ITGA1: variants seen among roughly 807,000 people sequenced by gnomAD.
The protein encoded by ITGA1 is integrin subunit alpha 1.
Under a neutral mutation model 145.9 loss-of-function variants are expected in ITGA1, and 85 were observed. The ratio of observed to expected loss-of-function variants is 0.58; its 90% CI spans 0.49 to 0.70. The LOEUF (loss-of-function observed/expected upper bound fraction) is 0.70, where lower values mean the gene tolerates loss of function less well. Among genes scored for constraint, ITGA1 ranks in the 30% least tolerant of loss-of-function variants. ITGA1 has a pLI of 0.00. For missense variants in ITGA1, 1,351 were observed against 1,418.7 expected, an observed-to-expected ratio of 0.95 and a Z score of 0.77; for synonymous variants, 520 against 495.3, an observed-to-expected ratio of 1.05 and a Z score of -0.66.
chr5:52,837,680 G>C, intron 1 of ITGA1, among the ~76,000 whole-genome samples: 1 of 152,002 alleles, frequency 6.6e-6, no homozygotes, highest in Non-Finnish European at 1.5e-5. Flanking sequence ...AACATCTGCA[G>C]TTACTTCAGT....
chr5:52,796,021 A>C (rs570610361), intron 1 of ITGA1, among the ~76,000 whole-genome samples: 4 of 152,096 alleles, frequency 2.6e-5, no homozygotes, highest in Admixed American at 2.0e-4. Flanking sequence ...TAGCACGCAA[A>C]ATTGAAAACA....
intron 1 of ITGA1, among the ~76,000 whole-genome samples, chr5:52,817,245 G>A (rs1467653142): frequency 6.6e-6 from 1 of 152,196 alleles, no homozygotes; most frequent in Non-Finnish European, 1.5e-5. Flanking sequence ...CAGAGGTAGA[G>A]AAGGAAGTGT....
rs377663936 is a variant in ITGA1, at chr5:52,814,919, G to T, written c.61+26505G>T. ...TTCTACAGACCCAGGGCTTCCTGGG[G>T]TTACCTCAGGCCACTTATATCTCTT... On this transcript the variant is annotated intron_variant, in intron 1 of 28. Coordinates refer to ENST00000282588, the MANE Select transcript of ITGA1 (RefSeq NM_181501.2). 1.2e-3 allele frequency among the ~76,000 whole-genome samples: 183 copies of T among 152,208 alleles called. 1 individual carries two copies. The highest frequency in any genetic ancestry group is 4.3e-3 in the African/African-American group (179 of 41,530).
At chr5:52,806,618 A>G (rs1244643793) in intron 1 of ITGA1, among the ~76,000 whole-genome samples, 1 of 152,094 alleles carries the variant, frequency 6.6e-6, no homozygotes, top group East Asian at 1.9e-4. Flanking sequence ...TGTGTGATAT[A>G]TATCACCATC....
chr5:52,929,466 TTCTA>T (rs1033989611), intron 20 of ITGA1, among the ~76,000 whole-genome samples, 155 bp from the exon 21 acceptor site: 6 of 152,230 alleles, frequency 3.9e-5, no homozygotes, highest in African/African-American at 9.6e-5. Context: ...TTATATGTTA[TTCTA>T]TCTATTTTGA....
At chr5:52,886,533 T>G (rs1750052321) in intron 7 of ITGA1, among the ~76,000 whole-genome samples, 1 of 152,240 alleles carries the variant, frequency 6.6e-6, no homozygotes, top group African/African-American at 2.4e-5. Context: ...CAATGATTGC[T>G]GTACTTTGTA....
chr5:52,877,572 C>A (rs1579692314), intron 6 of ITGA1, among the ~76,000 whole-genome samples: 1 of 152,320 alleles, frequency 6.6e-6, no homozygotes, highest in South Asian at 2.1e-4. Context: ...TACTCCTTCC[C>A]TAGAAAGTTC....
At chr5:52,892,358 C>T (rs1212183555) in intron 8 of ITGA1, among the ~76,000 whole-genome samples, 1 of 152,058 alleles carries the variant, frequency 6.6e-6, no homozygotes, top group Non-Finnish European at 1.5e-5. Flanking sequence ...GACACGCATG[C>T]AAAGCAGCTG....
intron 6 of ITGA1, among the ~76,000 whole-genome samples, chr5:52,875,001 C>T (rs1242091256): frequency 6.6e-6 from 1 of 151,944 alleles, no homozygotes; most frequent in Non-Finnish European, 1.5e-5. Flanking sequence ...ATTAGTAATC[C>T]ACAATGCATG....
chr5:52,917,827 TATG>T (rs1351864135), intron 15 of ITGA1, among the ~76,000 whole-genome samples: 1 of 152,234 alleles, frequency 6.6e-6, no homozygotes, highest in Non-Finnish European at 1.5e-5. Flanking sequence ...TATGCATTTC[TATG>T]ATGTTTATAT....
chr5:52,830,310 C>G (rs927159805), intron 1 of ITGA1, among the ~76,000 whole-genome samples: 5 of 152,166 alleles, frequency 3.3e-5, no homozygotes, highest in African/African-American at 1.2e-4. Flanking sequence ...TGTTAAGAAA[C>G]AGATGATGAG....
chr5:52,826,225 A>G (rs1748959890), intron 1 of ITGA1, among the ~76,000 whole-genome samples: 1 of 152,186 alleles, frequency 6.6e-6, no homozygotes, highest in African/African-American at 2.4e-5. Flanking sequence ...TGGTCTGGGA[A>G]GGTCAAACTA....
intron 7 of ITGA1, among the ~76,000 whole-genome samples, chr5:52,884,955 C>T (rs771294495): frequency 6.6e-6 from 1 of 152,116 alleles, no homozygotes; most frequent in Non-Finnish European, 1.5e-5. Context: ...TTCCAGGTAC[C>T]CACGATTTGT....
At chr5:52,874,252 C>T (rs964997210) in intron 6 of ITGA1, among the ~76,000 whole-genome samples, 2 of 152,120 alleles carry the variant, frequency 1.3e-5, no homozygotes, top group Admixed American at 1.3e-4. Flanking sequence ...TTGTAACAAC[C>T]TGTTCTCTTG....
chr5:52,824,887 A>G (rs1748936473), intron 1 of ITGA1: 1 of 152,228 alleles, frequency 6.6e-6, no homozygotes, highest in Admixed American at 6.5e-5. Context: ...TTTTTAAACA[A>G]AGCCTATTAT....
In ITGA1 at chr5:52,957,638, C is replaced by G. The variant is rs1751323377; in HGVS notation, c.*5187C>G. 1 of 152,402 alleles carries G rather than the reference C, an allele frequency of 6.6e-6. No individual in the cohort carries two copies. The highest frequency in any genetic ancestry group is 1.5e-5 in the Non-Finnish European group (1 of 68,122). The allele number at this position is 152,402 out of a possible 1,614,324, so 9.4% of individuals were successfully genotyped here. A position where few individuals can be genotyped will look rare whatever the true frequency, so the allele number is the denominator to read the frequency against. ...CTGCCTTCCAGTTGGCTTCTCTTCT[C>G]AGCTGCGTGGTGGGGATGATTTGGG... On this transcript the variant is annotated 3_prime_UTR_variant, in exon 29 of 29. Coordinates refer to ENST00000282588, the MANE Select transcript of ITGA1 (RefSeq NM_181501.2).
At chr5:52,858,049 C>T (rs1749543877) in intron 2 of ITGA1, among the ~76,000 whole-genome samples, 1 of 152,148 alleles carries the variant, frequency 6.6e-6, no homozygotes, top group Non-Finnish European at 1.5e-5. Context: ...TTAGTCCTTC[C>T]ATCCTCTGTA....
intron 8 of ITGA1, among the ~76,000 whole-genome samples, chr5:52,891,667 T>TA (rs1002999295): frequency 2.8e-5 from 4 of 140,382 alleles, no homozygotes; most frequent in Admixed American, 1.4e-4. Context: ...TATAAAGTTT[T>TA]AAAAAAAATA....
chr5:52,880,169 G>A (rs1211465660), intron 6 of ITGA1, among the ~76,000 whole-genome samples: 1 of 152,114 alleles, frequency 6.6e-6, no homozygotes, highest in South Asian at 2.1e-4. Context: ...GATTGAAAGA[G>A]CCCTTGGATA....
Sources: allele counts gnomAD v4.1 joint callset (sites outside exome capture counted in the v4.1 genomes callset), GRCh38; gene constraint gnomAD v4.1.1; transcripts MANE v1.5; gene names NCBI Gene and HGNC (gene_info 2026-07-23, HGNC 2026-07-21).